The following NXPE4 variants were observed in gnomAD, a reference collection of about 807,000 sequenced individuals.
The protein encoded by NXPE4 is NXPE family member 4.
In NXPE4, 42 loss-of-function variants were observed where a neutral mutation model predicts 33.3. The observed-to-expected ratio is 1.26, with a 90% CI of 0.98 to 1.63. The LOEUF is 1.63. Among genes scored for constraint, NXPE4 ranks in the 40% most tolerant of loss-of-function variants. The probability of loss-of-function intolerance (pLI) is 0.00; values close to 1 mark genes in which losing one functional copy is unlikely to be tolerated. For synonymous variants in NXPE4, 253 were observed against 234.9 expected (o/e 1.08, Z -0.71); for missense variants, 709 against 647.6 (o/e 1.09, Z -1.03).
the NXPE4 span, among the ~76,000 whole-genome samples, chr11:114,601,809 A>C: frequency 1.2e-3 from 93 of 74,628 alleles, no homozygotes; most frequent in Middle Eastern, 0.019. Context: ...ATTATATATT[A>C]TATAATTATA....
chr11:114,603,928 G>T, the NXPE4 span, among the ~76,000 whole-genome samples: 1 of 151,158 alleles, frequency 6.6e-6, no homozygotes, highest in Non-Finnish European at 1.5e-5. Context: ...CTAATACCTG[G>T]TGGATAATAA....
the NXPE4 span, among the ~76,000 whole-genome samples, chr11:114,650,121 T>C: frequency 2.6e-5 from 4 of 152,122 alleles, no homozygotes; most frequent in African/African-American, 9.6e-5. Context: ...CTCAAATACA[T>C]CATAAAGCTC....
At chr11:114,655,256 T>G in the NXPE4 span, among the ~76,000 whole-genome samples, 131,878 of 152,112 alleles carry the variant, frequency 0.87, 57,809 homozygotes, top group Non-Finnish European at 0.92. Context: ...TGCAAAAATT[T>G]TCTCCCATTC....
At chr11:114,605,172 C>T in the NXPE4 span, among the ~76,000 whole-genome samples, 11 of 151,866 alleles carry the variant, frequency 7.2e-5, no homozygotes, top group Non-Finnish European at 1.6e-4. Context: ...TAAGTGTTGC[C>T]TTGTGAGAAA....
the NXPE4 span, among the ~76,000 whole-genome samples, chr11:114,626,055 C>T: frequency 6.6e-6 from 1 of 152,180 alleles, no homozygotes; most frequent in Non-Finnish European, 1.5e-5. Flanking sequence ...ATTGCTAGCA[C>T]AGCAGTCTGA....
chr11:114,652,295 G>C, the NXPE4 span, among the ~76,000 whole-genome samples: 1 of 152,190 alleles, frequency 6.6e-6, no homozygotes, highest in Non-Finnish European at 1.5e-5. Flanking sequence ...TGCCCTTAAG[G>C]CATCCTGTTC....
At chr11:114,597,940 A>G (rs1203902980), upstream of NXPE4, among the ~76,000 whole-genome samples, 2 of 152,202 alleles carry the variant, frequency 1.3e-5, no homozygotes, top group South Asian at 2.1e-4. Flanking sequence ...TCAAAGTCTT[A>G]GTGAATTTCA....
the NXPE4 span, among the ~76,000 whole-genome samples, chr11:114,646,690 T>G: frequency 1.1e-4 from 16 of 152,118 alleles, no homozygotes; most frequent in African/African-American, 3.9e-4. Context: ...TAATTAAAAA[T>G]TATTTTGAGG....
chr11:114,611,027 T>A, the NXPE4 span, among the ~76,000 whole-genome samples: 1 of 151,726 alleles, frequency 6.6e-6, no homozygotes, highest in Admixed American at 6.6e-5. Context: ...GGGTCACAAC[T>A]CTTACTCTGT....
At chr11:114,618,036 G>A in the NXPE4 span, among the ~76,000 whole-genome samples, 38 of 151,968 alleles carry the variant, frequency 2.5e-4, no homozygotes, top group East Asian at 6.4e-3. Flanking sequence ...GTTGCCTCGT[G>A]GGTAACAACT....
the NXPE4 span, among the ~76,000 whole-genome samples, chr11:114,601,865 TTA>T: frequency 5.0e-3 from 17 of 3,388 alleles, no homozygotes; most frequent in African/African-American, 0.021. Flanking sequence ...TAATATACAA[TTA>T]TATATATTAT....
chr11:114,614,549 C>A, the NXPE4 span, among the ~76,000 whole-genome samples: 3 of 148,536 alleles, frequency 2.0e-5, no homozygotes, highest in Non-Finnish European at 4.5e-5. Flanking sequence ...CCAGTGGATA[C>A]TAAATGTTAC....
chr11:114,614,808 C>T, the NXPE4 span, among the ~76,000 whole-genome samples: 29,377 of 151,964 alleles, frequency 0.19, 3,394 homozygotes, highest in African/African-American at 0.33. Context: ...TAAGTGTTGC[C>T]TCGTGGGTAA....
intron 5 of NXPE4, 24 bp downstream of exon 5, chr11:114,580,108 A>C: frequency 6.3e-7 from 1 of 1,586,446 alleles, no homozygotes; most frequent in Non-Finnish European, 8.7e-7. Context: ...AGGGGTAAGA[A>C]TTATAGCTTA....
At chr11:114,630,977 C>G in the NXPE4 span, among the ~76,000 whole-genome samples, 3 of 150,650 alleles carry the variant, frequency 2.0e-5, no homozygotes, top group Non-Finnish European at 4.5e-5. Flanking sequence ...CAATGAGATA[C>G]CATCTCACAC....
upstream of NXPE4, among the ~76,000 whole-genome samples, chr11:114,597,426 A>C (rs1949586788): frequency 6.6e-6 from 1 of 152,230 alleles, no homozygotes; most frequent in Non-Finnish European, 1.5e-5. Flanking sequence ...AAACAAGAAA[A>C]TGTAATGGGT....
the NXPE4 span, among the ~76,000 whole-genome samples, chr11:114,638,263 T>G: frequency 6.6e-6 from 1 of 152,126 alleles, no homozygotes; most frequent in African/African-American, 2.4e-5. Flanking sequence ...CATCAGCTCC[T>G]GAGGCTTCTG....
At chr11:114,627,594 G>C in the NXPE4 span, among the ~76,000 whole-genome samples, 3 of 150,884 alleles carry the variant, frequency 2.0e-5, no homozygotes, top group South Asian at 4.3e-4. Flanking sequence ...ATTGAGACTA[G>C]GAAGAAACTG....
the NXPE4 span, among the ~76,000 whole-genome samples, chr11:114,669,761 G>A: frequency 6.6e-6 from 1 of 152,010 alleles, no homozygotes; most frequent in Non-Finnish European, 1.5e-5. Context: ...TTTATTTGGA[G>A]CAGTCTGAAG....
Sources: gnomAD v4.1 joint callset for allele counts (sites outside exome capture counted in the v4.1 genomes callset) on GRCh38, gnomAD v4.1.1 for gene constraint, MANE v1.5 for transcripts, NCBI Gene and HGNC (gene_info 2026-07-23, HGNC 2026-07-21) for gene names.